Variants in NBPF9 observed in about 807,000 individuals in gnomAD.
NBPF9 encodes NBPF family member NBPF9.
In NBPF9, 91 loss-of-function variants were observed where a neutral mutation model predicts 97.8. The ratio of observed to expected loss-of-function variants is 0.93; its 90% CI spans 0.79 to 1.11. The LOEUF (loss-of-function observed/expected upper bound fraction) is 1.11, where lower values mean the gene tolerates loss of function less well. Ranked by LOEUF, NBPF9 falls within the 50% of genes least tolerant of loss-of-function variation. The probability of loss-of-function intolerance (pLI) is 0.00; values close to 1 mark genes in which losing one functional copy is unlikely to be tolerated. For synonymous variants in NBPF9, 334 were observed against 359.5 expected, an observed-to-expected ratio of 0.93 and a Z score of 0.80; for missense variants, 992 against 939.5, an observed-to-expected ratio of 1.06 and a Z score of -0.73.
At chr1:149,084,079 A>C (rs1553657703) in intron 5 of NBPF9, among the ~76,000 whole-genome samples, 1 of 151,060 alleles carries the variant, frequency 6.6e-6, no homozygotes, top group Non-Finnish European at 1.5e-5. Flanking sequence ...GCATGTTCTC[A>C]CTCATGGGTG....
At chr1:149,064,980 C>G (rs1195218270) in intron 18 of NBPF9, 41 of 537,690 alleles carry the variant, frequency 7.6e-5, no homozygotes, top group Non-Finnish European at 1.2e-4. Context: ...AGCCATTTAT[C>G]TAGAAAACAT....
At chr1:149,063,115 C>T (rs1409999175) in intron 20 of NBPF9, among the ~76,000 whole-genome samples, 8 of 144,066 alleles carry the variant, frequency 5.6e-5, no homozygotes, top group African/African-American at 2.1e-4. Flanking sequence ...GGTAAAATTC[C>T]CTATTCTGGT....
In NBPF9 at chr1:149,072,842, C is replaced by CA. The variant is rs2079527203; in HGVS notation, c.1181dup (p.Leu394PhefsTer3). 1 of 1,599,564 alleles carries CA rather than the reference C, an allele frequency of 6.3e-7. No homozygotes were observed. Among genetic ancestry groups the CA allele is most frequent in the African/African-American group, 1.3e-5 (1 of 74,640 alleles). ...TGAGGAGGGCCTGGAGATGCTCATT[C>CA]AATGAGCGGGAGGCATCTCTCCCTT... On this transcript the variant is annotated frameshift_variant, in exon 14 of 30. Coordinates refer to ENST00000584027, the Ensembl canonical transcript of NBPF9. LOFTEE classifies it high-confidence loss of function.
rs1473524224 is a variant in NBPF9 at position 149,059,403 on chromosome 1, C to T, written c.2585+297G>A. The T allele has an allele frequency of 9.6e-6, 4 of 417,464 alleles. 1 individual carries two copies. The highest frequency in any genetic ancestry group is 8.2e-5 in the Admixed American group (2 of 24,338). The allele number at this position is 417,464 out of a possible 1,614,324, so 25.9% of individuals were successfully genotyped here. ...TCGTGCCCTCATGACACACAGCAAACTGTGATCATGAAAAGAGTGAGCTCA... is the reference window on the plus strand; with the variant it reads ...TCGTGCCCTCATGACACACAGCAAATTGTGATCATGAAAAGAGTGAGCTCA... On this transcript the variant is annotated intron_variant, in intron 25 of 29. Coordinates refer to ENST00000584027, the Ensembl canonical transcript of NBPF9.
chr1:149,060,380 G>C (rs1315248776), intron 24 of NBPF9, 143 bp downstream of exon 24: 1 of 444,578 alleles, frequency 2.2e-6, no homozygotes, highest in Non-Finnish European at 4.1e-6. Flanking sequence ...TAGAACTAGA[G>C]TTTCATTCAA....
rs1403286335 is a variant in NBPF9 at position 149,055,557 on chromosome 1, T to C, written c.*99A>G. The C allele has an allele frequency of 1.9e-5, 30 of 1,563,694 alleles. No individual in the cohort carries two copies. In the Admixed American group the frequency reaches 3.8e-4, roughly 20 times the overall value. ...GAGCCATGCCCACTGACCCATCCTA[T>C]GTCTGGGCTTCCAAATGGAACTGTA... On this transcript the variant is annotated 3_prime_UTR_variant, in exon 30 of 30. Coordinates refer to ENST00000584027, the Ensembl canonical transcript of NBPF9.
rs1466325981 is a variant in NBPF9 at position 149,077,822 on chromosome 1, T to C, written c.566+61A>G. ...CCCACCATAGATGCCAGAGAGGGTG[T>C]GCCTCCTAGACATCTTCATATGTTA... On this transcript the variant is annotated intron_variant, in intron 10 of 29. Transcript: ENST00000584027. The C allele has an allele frequency of 1.4e-5, 23 of 1,593,248 alleles. 1 individual carries two copies. Among genetic ancestry groups the C allele is most frequent in the Non-Finnish European group, 1.9e-5 (22 of 1,162,916 alleles).
rs1209402146 is a variant in NBPF9 at position 149,076,581 on chromosome 1, C to T, written c.778+627G>A. On this transcript the variant is annotated intron_variant, in intron 11 of 29. Coordinates refer to ENST00000584027, the Ensembl canonical transcript of NBPF9. ...GCAGTGGCACAATCTCGGCTCACTG[C>T]AAGCTCCGGTTCCTGGGTTCATGCC... 3.3e-5 allele frequency among the ~76,000 whole-genome samples: 5 copies of T among 150,068 alleles called. 1 individual carries two copies. The highest frequency in any genetic ancestry group is 7.4e-5 in the Non-Finnish European group (5 of 67,312).
chr1:149,062,865 G>C (rs782264991), exon 21 of NBPF9: 3 of 684,356 alleles, frequency 4.4e-6, no homozygotes, highest in Non-Finnish European at 7.8e-6. Flanking sequence ...AAGTTACCTG[G>C]GGCATGATGG....
intron 7 of NBPF9, 37 bp downstream of exon 7, chr1:149,081,928 T>A (rs1553656847): frequency 1.4e-6 from 2 of 1,391,138 alleles, no homozygotes; most frequent in Admixed American, 1.7e-5. Flanking sequence ...CAGGACATCA[T>A]TCATCACTTT....
In NBPF9 at chr1:149,082,204, G is replaced by A. The variant is rs2152909390; in HGVS notation, c.-35-30C>T. ...GGAGAAGAAACCCAAACATATGATG[G>A]GTTAAAAACTGGTGAAATCAAATAG... On this transcript the variant is annotated intron_variant, in intron 6 of 29. Coordinates refer to ENST00000584027, the Ensembl canonical transcript of NBPF9. The A allele has an allele frequency of 5.6e-6, 9 of 1,596,434 alleles. No homozygotes were observed. The South Asian group carries it at 7.7e-5, about 14-fold the overall frequency.
chr1:149,059,234 G>A lies in NBPF9; in HGVS notation c.2586-137C>T, dbSNP rs1435320231. The stretch of plus-strand genomic sequence containing the variant: ...TCCATTAATGAGGTAATGAATTATT[G>A]CCTTTAGGTTGGGATAGACCAGGGC... On this transcript the variant is annotated intron_variant, in intron 25 of 29. Transcript: ENST00000584027. 6.7e-6 allele frequency: 3 copies of A among 449,846 alleles called. 1 individual carries two copies. The highest frequency in any genetic ancestry group is 2.9e-5 in the East Asian group (1 of 34,708). The allele number at this position is 449,846 out of a possible 1,614,324, so 27.9% of individuals were successfully genotyped here. A position where few individuals can be genotyped will look rare whatever the true frequency, so the allele number is the denominator to read the frequency against.
chr1:149,065,864 T>C (rs2079008966), intron 17 of NBPF9, 175 bp from the exon 18 acceptor site: 2 of 788,746 alleles, frequency 2.5e-6, no homozygotes, highest in Non-Finnish European at 2.0e-6. Context: ...GGGTGACTGC[T>C]CTGGGGACAG....
At chr1:149,071,478 A>C (rs76527732) in intron 15 of NBPF9, 126 bp downstream of exon 15, 2 of 1,196,442 alleles carry the variant, frequency 1.7e-6, no homozygotes, top group East Asian at 7.3e-5. Flanking sequence ...AGCTGGGTTC[A>C]ATTTCACATA....
exon 22 of NBPF9, chr1:149,062,152 T>C (rs1328182726): frequency 8.9e-6 from 9 of 1,013,588 alleles, no homozygotes; most frequent in African/African-American, 1.7e-5. Flanking sequence ...AGCACTGCTG[T>C]AGGGCTGGCC....
At chr1:149,088,099 G>A (rs1194087659) in intron 5 of NBPF9, among the ~76,000 whole-genome samples, 354 of 152,274 alleles carry the variant, frequency 2.3e-3, no homozygotes, top group Non-Finnish European at 3.2e-3. Context: ...CCAAAGTGCT[G>A]AGATTACAGG....
At chr1:149,076,755 A>G (rs76109557) in intron 11 of NBPF9, among the ~76,000 whole-genome samples, 25 of 144,124 alleles carry the variant, frequency 1.7e-4, no homozygotes, top group Admixed American at 2.8e-4. Flanking sequence ...TGATCCACCC[A>G]CCTCGGCCTC....
chr1:149,086,661 C>T (rs1471718744), intron 5 of NBPF9, among the ~76,000 whole-genome samples: 1 of 152,202 alleles, frequency 6.6e-6, no homozygotes, highest in East Asian at 1.9e-4. Context: ...TGAATGCACA[C>T]TTCCACATAC....
Position 149,079,224 on chromosome 1 carries a change from A to G in NBPF9, c.279-3T>C. ...AGTGAACCAGGACTTTATATTGCCT[A>G]AGGTGAGACGGTAGAGAAAATTTAA... On this transcript the variant is annotated splice_region_variant and splice_polypyrimidine_tract_variant and intron_variant, in intron 8 of 29. Transcript: ENST00000584027. The G allele has an allele frequency of 1.2e-6, 1 of 802,016 alleles. No homozygotes were observed. 49.7% of individuals were successfully genotyped at this position (802,016 alleles called of 1,614,324 possible). A position where few individuals can be genotyped will look rare whatever the true frequency, so the allele number is the denominator to read the frequency against.
Sources: allele counts gnomAD v4.1 joint callset (sites outside exome capture counted in the v4.1 genomes callset), GRCh38; gene constraint gnomAD v4.1.1; transcripts MANE v1.5; gene names NCBI Gene and HGNC (gene_info 2026-07-23, HGNC 2026-07-21).